The following CMIP variants were observed in gnomAD, a reference collection of about 807,000 sequenced individuals.
The protein encoded by CMIP is c-Maf inducing protein.
Under a neutral mutation model 97.3 loss-of-function variants are expected in CMIP, and 13 were observed. The observed-to-expected ratio is 0.13, with a 90% confidence interval of 0.09 to 0.21. CMIP has a LOEUF of 0.21. CMIP is among the 10% of genes least tolerant of loss of function. The pLI is 1.00. For missense variants in CMIP, 847 were observed against 1,024.9 expected, an observed-to-expected ratio of 0.83 and a Z score of 2.37; for synonymous variants, 538 against 436.3, an observed-to-expected ratio of 1.23 and a Z score of -2.91.
intron 1 of CMIP, among the ~76,000 whole-genome samples, chr16:81,599,287 G>T (rs899835716): frequency 6.6e-6 from 1 of 152,156 alleles, no homozygotes; most frequent in Non-Finnish European, 1.5e-5. Flanking sequence ...GAGTGTGAAC[G>T]GCATTTGAGA....
In CMIP at chr16:81,489,579, A is replaced by G. The variant is rs369205690; in HGVS notation, c.300+44038A>G. 9.5e-4 allele frequency among the ~76,000 whole-genome samples: 144 copies of G among 152,166 alleles called. 1 individual carries two copies. The highest frequency in any genetic ancestry group is 3.3e-3 in the African/African-American group (138 of 41,492). The stretch of plus-strand genomic sequence containing the variant: ...AGTGTGTGACTTTCAGAGTGCAGGA[A>G]CCCAGCACACCCTGTCACCAAACAG... On this transcript the variant is annotated intron_variant, in intron 1 of 20. Coordinates refer to ENST00000537098, the MANE Select transcript of CMIP (RefSeq NM_198390.3).
intron 1 of CMIP, among the ~76,000 whole-genome samples, chr16:81,523,471 C>T (rs1465949205): frequency 6.6e-6 from 1 of 152,166 alleles, no homozygotes; most frequent in African/African-American, 2.4e-5. Context: ...CTGGTACCCT[C>T]CCAGCACATT....
rs1905732857 is a variant in CMIP at position 81,444,972 on chromosome 16, C to T, written c.-270C>T. ...GCCTCCCCCGCCCCTCCCCGTCGCC[C>T]GCCGAGCCCGGTCAGCCGCCGCGAG... On this transcript the variant is annotated 5_prime_UTR_variant, in exon 1 of 21. Transcript: ENST00000537098. 7.0e-6 allele frequency among the ~76,000 whole-genome samples: 1 copy of T among 142,828 alleles called. No individual in the cohort carries two copies. The highest frequency in any genetic ancestry group is 2.5e-5 in the African/African-American group (1 of 39,602). 93.7% of individuals were successfully genotyped at this position (142,828 alleles called of 152,430 possible). A position where few individuals can be genotyped will look rare whatever the true frequency, so the allele number is the denominator to read the frequency against.
rs749518234 is a variant in CMIP at position 81,614,517 on chromosome 16, G to C, written c.427-6359G>C. 2.0e-5 allele frequency among the ~76,000 whole-genome samples: 3 copies of C among 152,234 alleles called. No individual in the cohort carries two copies. The highest frequency in any genetic ancestry group is 4.4e-5 in the Non-Finnish European group (3 of 68,032). ...TGATGACCCCAGCAAGTCTGGGTGT[G>C]TGTGTGGTATATGCATTGGTTTCCC... On this transcript the variant is annotated intron_variant, in intron 2 of 20. Coordinates refer to ENST00000537098, the MANE Select transcript of CMIP (RefSeq NM_198390.3). The surrounding 1 kb of genome is among the most constrained non-coding windows in gnomAD (Gnocchi z 5.3).
At chr16:81,707,153 C>A in intron 20 of CMIP, 69 bp downstream of exon 20, 1 of 1,290,348 alleles carries the variant, frequency 7.7e-7, no homozygotes, top group Non-Finnish European at 1.1e-6. Context: ...GCTGGTGCAT[C>A]TCCTGCACAG....
intron 1 of CMIP, among the ~76,000 whole-genome samples, chr16:81,499,567 T>G (rs1247310792): frequency 6.6e-6 from 1 of 152,260 alleles, no homozygotes; most frequent in African/African-American, 2.4e-5. Flanking sequence ...GTAGCTTCCT[T>G]GTCATCCATC....
chr16:81,664,596 A>G (rs1273169500), intron 7 of CMIP: 2 of 586,054 alleles, frequency 3.4e-6, no homozygotes, highest in Admixed American at 6.1e-5. Context: ...CTGGAGGAGA[A>G]GAGGAAAGCC....
chr16:81,668,422 C>G (rs2092634332), intron 7 of CMIP, among the ~76,000 whole-genome samples: 1 of 152,176 alleles, frequency 6.6e-6, no homozygotes, highest in Non-Finnish European at 1.5e-5. Context: ...CTGGCAAGCC[C>G]CAAGCCCCCC....
chr16:81,660,398 G>A (rs543943215), intron 5 of CMIP, among the ~76,000 whole-genome samples: 23 of 151,680 alleles, frequency 1.5e-4, no homozygotes, highest in African/African-American at 2.4e-4. Flanking sequence ...TCAGCCTCCC[G>A]AGTAGCTGGG....
chr16:81,702,560 G>T, intron 16 of CMIP, 62 bp from the exon 17 acceptor site: 2 of 1,482,844 alleles, frequency 1.3e-6, no homozygotes, highest in East Asian at 2.3e-5. Context: ...TAACAGAGGT[G>T]GAAGTCTAGA....
chr16:81,474,417 A>G (rs181861023), intron 1 of CMIP, among the ~76,000 whole-genome samples: 1 of 149,480 alleles, frequency 6.7e-6, no homozygotes, highest in Non-Finnish European at 1.5e-5. Context: ...CCTTCCTCCC[A>G]TTCATCTGGT....
chr16:81,603,452 C>G (rs1013731016), intron 1 of CMIP: 18 of 454,342 alleles, frequency 4.0e-5, no homozygotes, highest in Non-Finnish European at 7.5e-5. Flanking sequence ...ACGAGGATAC[C>G]CCAGAGTTCT....
At chr16:81,488,291 C>G (rs1701821896) in intron 1 of CMIP, among the ~76,000 whole-genome samples, 2 of 152,148 alleles carry the variant, frequency 1.3e-5, no homozygotes, top group African/African-American at 2.4e-5. Flanking sequence ...TCTTCCTCCA[C>G]TTCCTCCACT....
At chr16:81,693,632 C>G in intron 13 of CMIP, 145 bp downstream of exon 13, 1 of 864,706 alleles carries the variant, frequency 1.2e-6, no homozygotes, top group Non-Finnish European at 1.7e-6. Context: ...AAACACATCC[C>G]CGCCTGGTGC....
intron 1 of CMIP, chr16:81,476,156 A>G (rs943501267): frequency 2.4e-5 from 27 of 1,120,606 alleles, no homozygotes; most frequent in Non-Finnish European, 3.3e-5. Flanking sequence ...CTTGCGTTCA[A>G]CCACTCAGTC....
intron 1 of CMIP, among the ~76,000 whole-genome samples, chr16:81,545,519 A>G (rs1459240701): frequency 6.6e-6 from 1 of 152,122 alleles, no homozygotes; most frequent in Admixed American, 6.5e-5. Context: ...TGCTCTATGA[A>G]TGGCATTTAA....
At position 81,699,815 on chromosome 16, in the gene CMIP, C is replaced by A; in HGVS notation, c.1755+14C>A. 1.9e-6 allele frequency: 3 copies of A among 1,574,488 alleles called. No homozygotes were observed. In the South Asian group the frequency reaches 3.4e-5, roughly 18 times the overall value. On this transcript the variant is annotated intron_variant, in intron 15 of 20. Coordinates refer to ENST00000537098, the MANE Select transcript of CMIP (RefSeq NM_198390.3). Reference sequence around the variant, plus strand: ...ACCATGGTGGAGGTAAGGAGCTGGTCGGGGTCCCTGGTGGGGTGGCTGGCT... The same window carrying A: ...ACCATGGTGGAGGTAAGGAGCTGGTAGGGGTCCCTGGTGGGGTGGCTGGCT...
At chr16:81,673,063 G>A (rs1348879695) in intron 9 of CMIP, among the ~76,000 whole-genome samples, 1 of 152,220 alleles carries the variant, frequency 6.6e-6, no homozygotes, top group East Asian at 1.9e-4. Context: ...GGGGTAGCAA[G>A]TGACCGGAAG....
chr16:81,640,768 GTGTC>G (rs1373753446), intron 3 of CMIP, among the ~76,000 whole-genome samples: 4 of 135,218 alleles, frequency 3.0e-5, no homozygotes, highest in African/African-American at 8.7e-5. Context: ...GTGTGTGTGT[GTGTC>G]TCTCTCTCTC....
Sources: allele counts gnomAD v4.1 joint callset (sites outside exome capture counted in the v4.1 genomes callset), GRCh38; gene constraint gnomAD v4.1.1; non-coding constraint Gnocchi (gnomAD v3.1); transcripts MANE v1.5; gene names NCBI Gene and HGNC (gene_info 2026-07-23, HGNC 2026-07-21).